ZNF469: variants seen among roughly 807,000 people sequenced by gnomAD.
The protein encoded by ZNF469 is zinc finger protein 469.
A neutral mutation model predicts 1.0 loss-of-function variants in ZNF469; 1 was observed. That is an observed-to-expected ratio of 1.00 (90% CI 0.35 to 4.73). The LOEUF (loss-of-function observed/expected upper bound fraction) is 4.73. Ranked by LOEUF, ZNF469 falls within the 30% of genes most tolerant of loss-of-function variation. The pLI, the probability that ZNF469 is intolerant of heterozygous loss-of-function variation, is 0.16. For missense variants in ZNF469, 6,100 were observed against 5,356.3 expected (o/e 1.14, Z -4.33); for synonymous variants, 2,703 against 2,363.4 (o/e 1.14, Z -4.17).
the ZNF469 span, among the ~76,000 whole-genome samples, chr16:88,122,361 C>T: frequency 6.6e-6 from 1 of 151,446 alleles, no homozygotes; most frequent in African/African-American, 2.4e-5. Context: ...CACTCCATCA[C>T]CCACTATGGC....
chr16:88,121,674 T>C, the ZNF469 span, among the ~76,000 whole-genome samples: 1 of 152,192 alleles, frequency 6.6e-6, no homozygotes, highest in Non-Finnish European at 1.5e-5. Flanking sequence ...TCATATATCA[T>C]TTTGTCTGTT....
the ZNF469 span, among the ~76,000 whole-genome samples, chr16:88,169,415 C>A: frequency 6.6e-6 from 1 of 152,188 alleles, no homozygotes; most frequent in South Asian, 2.1e-4. This position sits in a 1 kb window ranked among gnomAD's most constrained non-coding sequence, Gnocchi z 6.1. Flanking sequence ...CCCCTGGCAG[C>A]CCCCCTCTGA....
the ZNF469 span, among the ~76,000 whole-genome samples, chr16:88,351,601 C>T: frequency 1.0e-2 from 1,518 of 152,204 alleles, 28 homozygotes; most frequent in African/African-American, 0.034. Flanking sequence ...AAGGGGCCGC[C>T]GACGCTCCAA....
In ZNF469 at chr16:88,433,116, C is replaced by A; in HGVS notation, c.5646C>A (p.Ala1882=). ...EAWLVPVPSP[A]CVSNTHPSRR... is the part of the protein sequence containing the mutation. Reference sequence around the variant, plus strand: ...GGTTGGTCCCTGTGCCAAGTCCCGCCTGTGTATCCAACACCCACCCTAGCA... The same window carrying A: ...GGTTGGTCCCTGTGCCAAGTCCCGCATGTGTATCCAACACCCACCCTAGCA... The change falls in exon 3 of 3, where the codon GCC becomes GCA. Residue 1882 remains alanine (A), a synonymous_variant. Coordinates refer to ENST00000565624, the MANE Select transcript of ZNF469 (RefSeq NM_001367624.2). 2 of 1,550,352 alleles carry A rather than the reference C, an allele frequency of 1.3e-6. No homozygotes were observed. Among genetic ancestry groups the A allele is most frequent in the Non-Finnish European group, 1.7e-6 (2 of 1,146,958 alleles).
At chr16:88,235,911 C>T in the ZNF469 span, among the ~76,000 whole-genome samples, 1 of 152,206 alleles carries the variant, frequency 6.6e-6, no homozygotes, top group Non-Finnish European at 1.5e-5. Context: ...TGCGTTGGCT[C>T]TGCCCAGAAA....
chr16:88,356,742 G>A, the ZNF469 span, among the ~76,000 whole-genome samples: 3 of 152,318 alleles, frequency 2.0e-5, no homozygotes, highest in Admixed American at 6.5e-5. Flanking sequence ...GCAGCCCCAT[G>A]TGCAGAGGGG....
At chr16:88,127,100 G>A in the ZNF469 span, among the ~76,000 whole-genome samples, 1 of 152,208 alleles carries the variant, frequency 6.6e-6, no homozygotes. Flanking sequence ...TGGGATTACA[G>A]GTGTGAGCCA....
At chr16:88,358,111 C>T in the ZNF469 span, among the ~76,000 whole-genome samples, 1 of 152,216 alleles carries the variant, frequency 6.6e-6, no homozygotes, top group Non-Finnish European at 1.5e-5. Context: ...GTGTGGGCTG[C>T]TTGAGGTCCC....
the ZNF469 span, among the ~76,000 whole-genome samples, chr16:88,314,034 G>C: frequency 2.1e-5 from 3 of 145,888 alleles, no homozygotes; most frequent in East Asian, 4.1e-4. Context: ...GGCAGTGCTG[G>C]TGTGGGCTGT....
the ZNF469 span, among the ~76,000 whole-genome samples, chr16:88,334,020 GTGTC>G: frequency 6.6e-6 from 1 of 151,824 alleles, no homozygotes; most frequent in South Asian, 2.1e-4. Flanking sequence ...TTGTGTGTGT[GTGTC>G]TGTGTGTGCA....
chr16:88,430,448 G>C lies in ZNF469; in HGVS notation c.2978G>C (p.Arg993Pro), dbSNP rs1906069990. Reference protein sequence around the residue: ...NDGLGERPPPRPRRPRTQAPG... With the variant: ...NDGLGERPPPPPRRPRTQAPG... ...GGTCTCGGGGAGCGGCCCCCACCCC[G>C]TCCCCGGCGCCCTAGAACGCAGGCC... The change falls in exon 3 of 3, where the codon CGT becomes CCT. Residue 993 changes from arginine to proline, a missense_variant. Coordinates refer to ENST00000565624, the MANE Select transcript of ZNF469 (RefSeq NM_001367624.2). 6.8e-7 allele frequency: 1 copy of C among 1,476,706 alleles called. No homozygotes were observed. The allele number at this position is 1,476,706 out of a possible 1,614,324, so 91.5% of individuals were successfully genotyped here.
At chr16:88,405,669 G>A (rs572645938) in intron 1 of ZNF469, among the ~76,000 whole-genome samples, 8 of 152,278 alleles carry the variant, frequency 5.3e-5, no homozygotes, top group African/African-American at 1.4e-4. Flanking sequence ...TGGGCCCCAC[G>A]GACCCTGTGG....
chr16:88,371,924 CCATCACCATCACCACCATCAT>C, the ZNF469 span, among the ~76,000 whole-genome samples: 1 of 122,520 alleles, frequency 8.2e-6, no homozygotes, highest in Non-Finnish European at 1.7e-5. Flanking sequence ...ATGATTACCA[CCATCACCATCACCACCATCAT>C]CACCATCACC....
chr16:88,153,949 C>T, the ZNF469 span, among the ~76,000 whole-genome samples: 1 of 152,118 alleles, frequency 6.6e-6, no homozygotes, highest in Non-Finnish European at 1.5e-5. Context: ...ATCCTAAGCC[C>T]CCTCCTTAAA....
the ZNF469 span, among the ~76,000 whole-genome samples, chr16:88,362,537 A>AT: frequency 6.6e-6 from 1 of 151,738 alleles, no homozygotes; most frequent in Non-Finnish European, 1.5e-5. Flanking sequence ...CTGGGTTGAC[A>AT]TTTTTTTTCT....
At chr16:88,117,705 C>A in the ZNF469 span, among the ~76,000 whole-genome samples, 9 of 152,332 alleles carry the variant, frequency 5.9e-5, no homozygotes, top group South Asian at 2.1e-4. Context: ...GGAAGAGGGG[C>A]TTTTCCTGGG....
chr16:88,232,820 C>T, the ZNF469 span, among the ~76,000 whole-genome samples: 2 of 152,244 alleles, frequency 1.3e-5, no homozygotes, highest in African/African-American at 4.8e-5. Context: ...CAGAGCCCAG[C>T]AACTATTTGA....
the ZNF469 span, among the ~76,000 whole-genome samples, chr16:88,313,316 G>A: frequency 6.6e-6 from 1 of 152,286 alleles, no homozygotes; most frequent in Admixed American, 6.5e-5. Context: ...TTCCAGATAT[G>A]TAATCATATC....
chr16:88,405,812 C>T (rs1905013734), intron 1 of ZNF469, among the ~76,000 whole-genome samples: 1 of 152,228 alleles, frequency 6.6e-6, no homozygotes, highest in Non-Finnish European at 1.5e-5. Flanking sequence ...GCCCCACGGC[C>T]CAGGCCAGAA....
Sources: gnomAD v4.1 joint callset for allele counts (sites outside exome capture counted in the v4.1 genomes callset) on GRCh38, gnomAD v4.1.1 for gene constraint, Gnocchi (gnomAD v3.1) non-coding constraint, MANE v1.5 for transcripts, NCBI Gene and HGNC (gene_info 2026-07-23, HGNC 2026-07-21) for gene names.